Variants in AHCYL2 observed in about 807,000 individuals in gnomAD.
AHCYL2 encodes S-adenosylhomocysteine hydrolase-like protein 2.
Under a neutral mutation model 81.4 loss-of-function variants are expected in AHCYL2, and 28 were observed. The observed-to-expected ratio is 0.34, with a 90% CI of 0.25 to 0.47. The LOEUF (loss-of-function observed/expected upper bound fraction) is 0.47, where lower values mean the gene tolerates loss of function less well. AHCYL2 is among the 20% of genes least tolerant of loss of function. AHCYL2 has a pLI of 1.00. For synonymous variants in AHCYL2, 272 were observed against 290.2 expected (o/e 0.94, Z 0.64); for missense variants, 551 against 785.1 (o/e 0.70, Z 3.56).
chr7:129,327,492 A>T (rs1798264160), intron 1 of AHCYL2, among the ~76,000 whole-genome samples: 2 of 152,200 alleles, frequency 1.3e-5, no homozygotes, highest in South Asian at 4.1e-4. Flanking sequence ...TCTGAGACGG[A>T]GTCTAGCTCT....
intron 1 of AHCYL2, among the ~76,000 whole-genome samples, chr7:129,314,924 T>C (rs912825456): frequency 1.3e-5 from 2 of 152,182 alleles, no homozygotes; most frequent in Admixed American, 6.5e-5. Context: ...TTTTTTTAGC[T>C]TTATCTGTTT....
intron 1 of AHCYL2, among the ~76,000 whole-genome samples, chr7:129,378,022 T>C (rs1794770356): frequency 6.6e-6 from 1 of 152,122 alleles, no homozygotes; most frequent in Non-Finnish European, 1.5e-5. Context: ...TAAATTAATA[T>C]TTACTTACTA....
chr7:129,334,688 A>G (rs1425534315), intron 1 of AHCYL2, among the ~76,000 whole-genome samples: 1 of 152,148 alleles, frequency 6.6e-6, no homozygotes, highest in African/African-American at 2.4e-5. Context: ...TGCTGGTGGG[A>G]TGTCAAAATT....
intron 1 of AHCYL2, among the ~76,000 whole-genome samples, chr7:129,231,410 T>C (rs1794433437): frequency 6.6e-6 from 1 of 152,216 alleles, no homozygotes; most frequent in Non-Finnish European, 1.5e-5. Flanking sequence ...GTTTATTATA[T>C]CATTTCCTTG....
intron 1 of AHCYL2, among the ~76,000 whole-genome samples, chr7:129,279,588 T>G (rs1796355572): frequency 6.6e-6 from 1 of 152,202 alleles, no homozygotes; most frequent in Admixed American, 6.5e-5. Flanking sequence ...CAGAGTAAAA[T>G]GAATGCAAGT....
At chr7:129,387,256 CTG>C (rs1795245184) in intron 2 of AHCYL2, among the ~76,000 whole-genome samples, 1 of 152,258 alleles carries the variant, frequency 6.6e-6, no homozygotes, top group South Asian at 2.1e-4. Flanking sequence ...CCATCTATAT[CTG>C]TCCTGTATTT....
At chr7:129,423,301 G>A (rs1261486171) in intron 13 of AHCYL2, among the ~76,000 whole-genome samples, 1 of 152,178 alleles carries the variant, frequency 6.6e-6, no homozygotes, top group Non-Finnish European at 1.5e-5. Flanking sequence ...AGATATGCCC[G>A]ACTGTAACCA....
intron 1 of AHCYL2, among the ~76,000 whole-genome samples, chr7:129,237,456 CTATT>C (rs1276388410): frequency 6.6e-6 from 1 of 152,108 alleles, no homozygotes; most frequent in African/African-American, 2.4e-5. Context: ...AAGACTGTGC[CTATT>C]TATTAACGCA....
chr7:129,262,940 G>A (rs927415100), intron 1 of AHCYL2, among the ~76,000 whole-genome samples: 1 of 152,132 alleles, frequency 6.6e-6, no homozygotes, highest in Admixed American at 6.5e-5. Flanking sequence ...TTGGAATACG[G>A]AATAGGAGTC....
intron 1 of AHCYL2, among the ~76,000 whole-genome samples, chr7:129,282,182 A>T (rs769359372): frequency 7.2e-5 from 11 of 152,136 alleles, no homozygotes; most frequent in Non-Finnish European, 1.5e-4. Context: ...ATATGCACTG[A>T]AAAAATATTT....
chr7:129,352,439 A>C (rs1309971292), intron 1 of AHCYL2, among the ~76,000 whole-genome samples: 1 of 152,152 alleles, frequency 6.6e-6, no homozygotes, highest in Non-Finnish European at 1.5e-5. Flanking sequence ...ATCTATATAT[A>C]TACTGTGTCC....
chr7:129,304,330 T>C (rs2150766931), intron 1 of AHCYL2, among the ~76,000 whole-genome samples: 1 of 152,234 alleles, frequency 6.6e-6, no homozygotes, highest in East Asian at 1.9e-4. Context: ...ATGATCCATG[T>C]ACTGAGGAGA....
chr7:129,322,981 T>C (rs1198386866), intron 1 of AHCYL2, among the ~76,000 whole-genome samples: 1 of 152,224 alleles, frequency 6.6e-6, no homozygotes, highest in African/African-American at 2.4e-5. Context: ...GGATCTTCTC[T>C]CTTTTTCTCC....
intron 1 of AHCYL2, among the ~76,000 whole-genome samples, chr7:129,287,103 A>G (rs929983937): frequency 7.2e-5 from 11 of 152,208 alleles, no homozygotes; most frequent in African/African-American, 2.7e-4. Flanking sequence ...ATTCATAAAA[A>G]ACTGTTGGAT....
At chr7:129,322,426 C>T (rs899960493) in intron 1 of AHCYL2, among the ~76,000 whole-genome samples, 6 of 152,314 alleles carry the variant, frequency 3.9e-5, no homozygotes, top group East Asian at 3.9e-4. Flanking sequence ...AGGCGCACTG[C>T]GCCCAGCCAG....
intron 1 of AHCYL2, among the ~76,000 whole-genome samples, chr7:129,252,654 C>A (rs1347097818): frequency 6.6e-6 from 1 of 152,164 alleles, no homozygotes; most frequent in Non-Finnish European, 1.5e-5. Flanking sequence ...GTAATCCCAG[C>A]CACTTGGGAA....
At chr7:129,297,933 G>C (rs1797110881) in intron 1 of AHCYL2, among the ~76,000 whole-genome samples, 1 of 152,182 alleles carries the variant, frequency 6.6e-6, no homozygotes, top group Admixed American at 6.5e-5. Context: ...GGAGTCTTAG[G>C]TGGGAGGATT....
At chr7:129,230,750 T>G (rs1483122758) in intron 1 of AHCYL2, among the ~76,000 whole-genome samples, 2 of 150,634 alleles carry the variant, frequency 1.3e-5, no homozygotes, top group Admixed American at 6.6e-5. Flanking sequence ...TTTTTGTATT[T>G]TTAGTAGAGA....
At position 129,340,137 on chromosome 7, in the gene AHCYL2, T is replaced by A. The variant is rs534030304; in HGVS notation, c.364-39501T>A. On this transcript the variant is annotated intron_variant, in intron 1 of 16. Coordinates refer to ENST00000325006, the MANE Select transcript of AHCYL2 (RefSeq NM_015328.4). ...CAGGGTTTCACCGTGTTAGCCAGGA[T>A]GGTCTCGATCTCCTGACCTTGTGAT... Among the ~76,000 whole-genome samples, 16 of 142,972 alleles carry A rather than the reference T, an allele frequency of 1.1e-4. No homozygotes were observed. In the South Asian group the frequency reaches 2.0e-3, roughly 18 times the overall value. 93.8% of individuals were successfully genotyped at this position (142,972 alleles called of 152,430 possible). A position where few individuals can be genotyped will look rare whatever the true frequency, so the allele number is the denominator to read the frequency against.
Sources: allele counts gnomAD v4.1 joint callset (sites outside exome capture counted in the v4.1 genomes callset), GRCh38; gene constraint gnomAD v4.1.1; transcripts MANE v1.5; gene names NCBI Gene and HGNC (gene_info 2026-07-23, HGNC 2026-07-21).